Variants in PGCKA1 observed in about 807,000 individuals in gnomAD.
PGCKA1 encodes PDCD10 and GCKIII kinases associated 1.
At chr4:37,456,189 C>T in the PGCKA1 span, among the ~76,000 whole-genome samples, 1 of 138,650 alleles carries the variant, frequency 7.2e-6, no homozygotes, top group African/African-American at 2.6e-5. Context: ...GGAGTCTTCA[C>T]CTATGTGCAG....
At chr4:37,508,982 G>A in the PGCKA1 span, among the ~76,000 whole-genome samples, 2 of 151,112 alleles carry the variant, frequency 1.3e-5, no homozygotes, top group East Asian at 4.0e-4. Context: ...GTTTCAGAGA[G>A]CAGGGGGTTG....
the PGCKA1 span, among the ~76,000 whole-genome samples, chr4:37,533,553 A>G: frequency 6.6e-6 from 1 of 152,360 alleles, no homozygotes; most frequent in South Asian, 2.1e-4. Context: ...TAAATAAGCA[A>G]ACATTCTTTG....
the PGCKA1 span, among the ~76,000 whole-genome samples, chr4:37,537,710 C>T: frequency 6.6e-6 from 1 of 152,184 alleles, no homozygotes; most frequent in Admixed American, 6.5e-5. Flanking sequence ...CCCTGCCTAG[C>T]TCTGCAGTGA....
chr4:37,551,155 T>C, the PGCKA1 span, among the ~76,000 whole-genome samples: 1 of 152,130 alleles, frequency 6.6e-6, no homozygotes, highest in African/African-American at 2.4e-5. Context: ...ACTGGATATG[T>C]GGACATAGAG....
the PGCKA1 span, among the ~76,000 whole-genome samples, chr4:37,514,032 T>C: frequency 6.6e-6 from 1 of 152,350 alleles, no homozygotes; most frequent in South Asian, 2.1e-4. Context: ...ATTCATTGGC[T>C]TATGGTTTAG....
the PGCKA1 span, among the ~76,000 whole-genome samples, chr4:37,549,655 A>C: frequency 1.3e-5 from 2 of 152,222 alleles, no homozygotes; most frequent in Admixed American, 1.3e-4. Flanking sequence ...TGAAGTTTGC[A>C]ACACCCTAAC....
the PGCKA1 span, among the ~76,000 whole-genome samples, chr4:37,552,578 G>T: frequency 6.6e-6 from 1 of 152,168 alleles, no homozygotes; most frequent in African/African-American, 2.4e-5. Flanking sequence ...AGAGAAACCA[G>T]GGGCAGTAGA....
chr4:37,521,957 T>G, the PGCKA1 span, among the ~76,000 whole-genome samples: 6 of 152,258 alleles, frequency 3.9e-5, no homozygotes, highest in Non-Finnish European at 8.8e-5. Flanking sequence ...TTGTCTCTTC[T>G]TATAGTTTTT....
chr4:37,535,004 G>A, the PGCKA1 span, among the ~76,000 whole-genome samples: 8 of 152,256 alleles, frequency 5.3e-5, no homozygotes, highest in South Asian at 1.7e-3. Context: ...ATTCAAATGC[G>A]ACAAATTCCA....
At chr4:37,580,476 T>C in the PGCKA1 span, among the ~76,000 whole-genome samples, 5 of 152,198 alleles carry the variant, frequency 3.3e-5, no homozygotes, top group Non-Finnish European at 1.5e-5. Flanking sequence ...CTGAGCCATA[T>C]CTACATTAGA....
At chr4:37,545,887 A>G in the PGCKA1 span, among the ~76,000 whole-genome samples, 1 of 152,246 alleles carries the variant, frequency 6.6e-6, no homozygotes, top group East Asian at 1.9e-4. Flanking sequence ...TCCTTCTTCC[A>G]TGGAAATCTG....
chr4:37,473,635 C>T, the PGCKA1 span, among the ~76,000 whole-genome samples: 4 of 152,090 alleles, frequency 2.6e-5, no homozygotes, highest in East Asian at 5.8e-4. Flanking sequence ...GCAGATAATG[C>T]TTTTGAGGGT....
the PGCKA1 span, among the ~76,000 whole-genome samples, chr4:37,570,117 C>G: frequency 6.1e-4 from 82 of 133,398 alleles, 1 homozygote; most frequent in Non-Finnish European, 1.1e-3. Context: ...GTAGCTGGGA[C>G]TACAGGCGCC....
the PGCKA1 span, among the ~76,000 whole-genome samples, chr4:37,541,697 C>T: frequency 1.3e-5 from 2 of 152,162 alleles, no homozygotes; most frequent in Non-Finnish European, 2.9e-5. Context: ...TTCTTGAGGC[C>T]ACACAGCTTA....
chr4:37,592,301 G>A, the PGCKA1 span, among the ~76,000 whole-genome samples: 1 of 150,280 alleles, frequency 6.7e-6, no homozygotes, highest in East Asian at 1.9e-4. Flanking sequence ...AGGATTGCCA[G>A]GGCCAGGAAT....
At chr4:37,492,046 C>CTT in the PGCKA1 span, among the ~76,000 whole-genome samples, 68 of 147,542 alleles carry the variant, frequency 4.6e-4, no homozygotes, top group African/African-American at 5.0e-4. The surrounding 1 kb of genome is among the most constrained non-coding windows in gnomAD (Gnocchi z 4.7). Context: ...ATTATTTTTT[C>CTT]TTTTTTTTTT....
the PGCKA1 span, among the ~76,000 whole-genome samples, chr4:37,509,721 G>C: frequency 2.6e-5 from 4 of 151,402 alleles, no homozygotes; most frequent in African/African-American, 9.7e-5. Context: ...AGCACTTCGC[G>C]AGGCCGAGGC....
At chr4:37,455,485 T>C in the PGCKA1 span, among the ~76,000 whole-genome samples, 1 of 152,238 alleles carries the variant, frequency 6.6e-6, no homozygotes, top group Non-Finnish European at 1.5e-5. Flanking sequence ...CTTACTTCTC[T>C]TCTTGGCCCA....
chr4:37,546,714 C>T, the PGCKA1 span, among the ~76,000 whole-genome samples: 18 of 152,176 alleles, frequency 1.2e-4, no homozygotes, highest in Middle Eastern at 3.2e-3. Context: ...GACAGATGGC[C>T]GAGGCAGCCC....
Sources: allele counts gnomAD v4.1 joint callset (sites outside exome capture counted in the v4.1 genomes callset), GRCh38; gene constraint gnomAD v4.1.1; non-coding constraint Gnocchi (gnomAD v3.1); transcripts MANE v1.5; gene names NCBI Gene and HGNC (gene_info 2026-07-23, HGNC 2026-07-21).